The following DACH1 variants were observed in gnomAD, a reference collection of about 807,000 sequenced individuals.
The protein encoded by DACH1 is dachshund homolog 1.
DACH1 carries 12 observed loss-of-function variants against 54.2 expected under a neutral mutation model. That is an observed-to-expected ratio of 0.22 (90% CI 0.14 to 0.36). The LOEUF (loss-of-function observed/expected upper bound fraction) is 0.36, where lower values mean the gene tolerates loss of function less well. Among genes scored for constraint, DACH1 ranks in the 10% least tolerant of loss-of-function variants. The probability of loss-of-function intolerance (pLI) is 1.00; values close to 1 mark genes in which losing one functional copy is unlikely to be tolerated. For synonymous variants in DACH1, 386 were observed against 366.2 expected (o/e 1.05, Z -0.62); for missense variants, 805 against 929.8 (o/e 0.87, Z 1.75).
chr13:71,749,203 C>T (rs536650991), intron 1 of DACH1, among the ~76,000 whole-genome samples: 3 of 151,906 alleles, frequency 2.0e-5, no homozygotes, highest in South Asian at 2.1e-4. Context: ...AGGCTGGTCT[C>T]GAACTCCTCA....
Position 71,641,945 on chromosome 13 carries a change from T to C in DACH1, c.965-11228A>G, listed in dbSNP as rs746426834. ...ATTATATATCAGGAAGAATTACCAA[T>C]GTGCAGTATTATATTATTCACTTCT... On this transcript the variant is annotated intron_variant, in intron 2 of 10. Transcript: ENST00000613252. 1.1e-4 allele frequency among the ~76,000 whole-genome samples: 17 copies of C among 152,186 alleles called. 1 individual carries two copies. The highest frequency in any genetic ancestry group is 1.1e-3 in the Admixed American group (17 of 15,274).
intron 6 of DACH1, 69 bp downstream of exon 6, chr13:71,556,955 G>A: frequency 7.0e-7 from 1 of 1,428,988 alleles, no homozygotes; most frequent in Non-Finnish European, 9.4e-7. Flanking sequence ...AGACTTCATT[G>A]TGTGATTAAA....
chr13:71,445,737 C>T (rs891368144), intron 10 of DACH1, among the ~76,000 whole-genome samples: 8 of 152,098 alleles, frequency 5.3e-5, no homozygotes, highest in African/African-American at 1.9e-4. Flanking sequence ...TCTGTAGGAA[C>T]AAAATTTTAA....
At chr13:71,784,551 G>A (rs1886513868) in intron 1 of DACH1, among the ~76,000 whole-genome samples, 1 of 151,854 alleles carries the variant, frequency 6.6e-6, no homozygotes. Flanking sequence ...CACAAACTGG[G>A]GCTTATCTAT....
chr13:71,574,924 T>G (rs1566352559), intron 3 of DACH1, among the ~76,000 whole-genome samples: 1 of 152,048 alleles, frequency 6.6e-6, no homozygotes, highest in Non-Finnish European at 1.5e-5. Flanking sequence ...TTCTCATAAC[T>G]TTTTTGACAC....
chr13:71,755,146 A>G (rs993209321), intron 1 of DACH1, among the ~76,000 whole-genome samples: 2 of 152,178 alleles, frequency 1.3e-5, no homozygotes, highest in Admixed American at 1.3e-4. Context: ...AGAGTTGCCG[A>G]TATCTCCCCA....
At chr13:71,797,455 T>A (rs1489399609) in intron 1 of DACH1, among the ~76,000 whole-genome samples, 1 of 152,162 alleles carries the variant, frequency 6.6e-6, no homozygotes, top group Non-Finnish European at 1.5e-5. Context: ...CTGAACTGGC[T>A]CAGTCCTTAA....
In DACH1 at chr13:71,438,572, G is replaced by A. The variant is rs1179589518; in HGVS notation, c.*2083C>T. 1 of 127,102 alleles carries A rather than the reference G, an allele frequency of 7.9e-6. No individual in the cohort carries two copies. Among genetic ancestry groups the A allele is most frequent in the Non-Finnish European group, 1.7e-5 (1 of 58,738 alleles). 7.9% of individuals were successfully genotyped at this position (127,102 alleles called of 1,614,324 possible). ...AGCATTCTCAAAGGTCTTCAAATAT[G>A]TATTTTAAAACTATTTAATCCACAT... On this transcript the variant is annotated 3_prime_UTR_variant, in exon 11 of 11. Coordinates refer to ENST00000613252, the MANE Select transcript of DACH1 (RefSeq NM_080759.6).
At chr13:71,500,396 C>T (rs186875545) in intron 6 of DACH1, among the ~76,000 whole-genome samples, 95 of 152,198 alleles carry the variant, frequency 6.2e-4, no homozygotes, top group African/African-American at 2.1e-3. Context: ...TATGAGTCTC[C>T]AAGCCGAAAA....
chr13:71,524,285 G>T (rs986007262), intron 6 of DACH1, among the ~76,000 whole-genome samples: 1 of 152,082 alleles, frequency 6.6e-6, no homozygotes, highest in Non-Finnish European at 1.5e-5. Flanking sequence ...AAGCATGATT[G>T]CTACATTATC....
rs555486447 is a variant in DACH1, at chr13:71,708,303, G to T, written c.849-26393C>A. The stretch of plus-strand genomic sequence containing the variant: ...AGCTTGACTTGATTGAATCAAAGCA[G>T]TTCATTTATTAAGTTTTTCACTTCT... On this transcript the variant is annotated intron_variant, in intron 1 of 10. Coordinates refer to ENST00000613252, the MANE Select transcript of DACH1 (RefSeq NM_080759.6). Among the ~76,000 whole-genome samples, 7 of 152,216 alleles carry T rather than the reference G, an allele frequency of 4.6e-5. No individual in the cohort carries two copies. The East Asian group carries it at 1.4e-3, about 29-fold the overall frequency.
chr13:71,525,279 G>A (rs980438315), intron 6 of DACH1, among the ~76,000 whole-genome samples: 1 of 152,176 alleles, frequency 6.6e-6, no homozygotes, highest in African/African-American at 2.4e-5. Flanking sequence ...TATGAGGGAA[G>A]CTTCATTAAC....
intron 7 of DACH1, among the ~76,000 whole-genome samples, chr13:71,481,087 A>C (rs758179053): frequency 6.6e-6 from 1 of 152,226 alleles, no homozygotes; most frequent in Non-Finnish European, 1.5e-5. Flanking sequence ...CATTACATCA[A>C]GTGCCCTTTT....
chr13:71,841,647 G>T (rs1037033031), intron 1 of DACH1, among the ~76,000 whole-genome samples: 7 of 152,284 alleles, frequency 4.6e-5, no homozygotes, highest in Non-Finnish European at 1.0e-4. Flanking sequence ...AAGCACAGCT[G>T]TTTGTGACAC....
chr13:71,571,076 G>T (rs1885163920), intron 4 of DACH1, among the ~76,000 whole-genome samples: 1 of 152,098 alleles, frequency 6.6e-6, no homozygotes, highest in Non-Finnish European at 1.5e-5. Flanking sequence ...ACTGCTAAAA[G>T]CTGCTCTTCT....
intron 1 of DACH1, among the ~76,000 whole-genome samples, chr13:71,860,855 C>T (rs1019749633): frequency 3.2e-4 from 48 of 152,090 alleles, no homozygotes; most frequent in African/African-American, 1.1e-3. Context: ...ATAACAACTA[C>T]TTGGTTGCAC....
Position 71,866,836 on chromosome 13 carries a change from G to T in DACH1, c.-67C>A. 8.3e-7 allele frequency: 1 copy of T among 1,208,582 alleles called. No homozygotes were observed. The allele number at this position is 1,208,582 out of a possible 1,614,324, so 74.9% of individuals were successfully genotyped here. ...AAAAGTTGCCACACACCCCCGGGAG[G>T]GGAAGGGGAAAAAAGGGGGGAGAAG... is the stretch of plus-strand genomic sequence containing the variant. On this transcript the variant is annotated 5_prime_UTR_variant, in exon 1 of 11. Transcript: ENST00000613252.
At chr13:71,769,212 A>G (rs1016040281) in intron 1 of DACH1, among the ~76,000 whole-genome samples, 1 of 151,784 alleles carries the variant, frequency 6.6e-6, no homozygotes, top group East Asian at 1.9e-4. Context: ...TATGTACCAC[A>G]TACTCTTCAT....
intron 1 of DACH1, among the ~76,000 whole-genome samples, chr13:71,811,929 A>G (rs899270209): frequency 2.0e-5 from 3 of 152,214 alleles, no homozygotes; most frequent in Non-Finnish European, 2.9e-5. Context: ...GAATGAACTG[A>G]AAAACTTTCC....
Sources: gnomAD v4.1 joint callset for allele counts (sites outside exome capture counted in the v4.1 genomes callset) on GRCh38, gnomAD v4.1.1 for gene constraint, MANE v1.5 for transcripts, NCBI Gene and HGNC (gene_info 2026-07-23, HGNC 2026-07-21) for gene names.